AIG1: variants seen among roughly 807,000 people sequenced by gnomAD.
The protein encoded by AIG1 is androgen induced 1, also known as androgen-induced gene 1 protein.
AIG1 carries 23 observed loss-of-function variants against 31.4 expected under a neutral mutation model. The observed-to-expected ratio is 0.73, with a 90% CI of 0.53 to 1.04. The LOEUF (loss-of-function observed/expected upper bound fraction) is 1.04, where lower values mean the gene tolerates loss of function less well. Ranked by LOEUF, AIG1 falls within the 50% of genes least tolerant of loss-of-function variation. The pLI, the probability that AIG1 is intolerant of heterozygous loss-of-function variation, is 0.00. For synonymous variants in AIG1, 100 were observed against 110.5 expected (o/e 0.90, Z 0.60); for missense variants, 274 against 295.0 (o/e 0.93, Z 0.52).
intron 3 of AIG1, among the ~76,000 whole-genome samples, chr6:143,185,038 A>G (rs1297511694): frequency 6.6e-6 from 1 of 151,974 alleles, no homozygotes; most frequent in Non-Finnish European, 1.5e-5. Context: ...TCTACTAAAA[A>G]TACAAAAATT....
intron 1 of AIG1, among the ~76,000 whole-genome samples, chr6:143,113,583 A>G (rs906439003): frequency 1.3e-5 from 2 of 150,950 alleles, no homozygotes; most frequent in African/African-American, 4.9e-5. Flanking sequence ...AGCCTAGGCA[A>G]CAGAGAGAGA....
At chr6:143,244,062 C>A (rs78807090) in intron 3 of AIG1, among the ~76,000 whole-genome samples, 1 of 152,162 alleles carries the variant, frequency 6.6e-6, no homozygotes, top group Non-Finnish European at 1.5e-5. Flanking sequence ...ACACATGACA[C>A]CTGCCCTCAA....
At chr6:143,244,542 G>A (rs551220331) in intron 3 of AIG1, among the ~76,000 whole-genome samples, 1 of 152,310 alleles carries the variant, frequency 6.6e-6, no homozygotes, top group South Asian at 2.1e-4. Context: ...GGATCACATG[G>A]GTATGGGCTT....
intron 4 of AIG1, among the ~76,000 whole-genome samples, chr6:143,316,616 C>T (rs1775763713): frequency 6.6e-6 from 1 of 151,926 alleles, no homozygotes; most frequent in African/African-American, 2.4e-5. Context: ...AACAAACCAA[C>T]CCAAACCCGG....
At chr6:143,236,276 T>C (rs760552886) in intron 3 of AIG1, among the ~76,000 whole-genome samples, 4 of 152,214 alleles carry the variant, frequency 2.6e-5, no homozygotes, top group Non-Finnish European at 5.9e-5. Flanking sequence ...TCTGTCCGGC[T>C]CAGCCCAGCG....
chr6:143,320,492 G>A (rs1477828151), intron 4 of AIG1, among the ~76,000 whole-genome samples: 1 of 152,192 alleles, frequency 6.6e-6, no homozygotes, highest in Non-Finnish European at 1.5e-5. Context: ...AATAAAAGGT[G>A]TATAGACATA....
intron 3 of AIG1, among the ~76,000 whole-genome samples, chr6:143,242,313 A>G (rs1583602012): frequency 2.0e-5 from 3 of 152,222 alleles, no homozygotes; most frequent in Admixed American, 2.0e-4. Flanking sequence ...ACTATATTTC[A>G]TGACCAAGCT....
intron 1 of AIG1, among the ~76,000 whole-genome samples, chr6:143,120,043 C>T (rs1239486468): frequency 6.6e-6 from 1 of 152,154 alleles, no homozygotes; most frequent in Non-Finnish European, 1.5e-5. Context: ...AATTCTCCTG[C>T]CTCAGCCTCC....
At chr6:143,101,841 T>C (rs1486072962) in intron 1 of AIG1, among the ~76,000 whole-genome samples, 1 of 152,120 alleles carries the variant, frequency 6.6e-6, no homozygotes, top group African/African-American at 2.4e-5. Context: ...AAACTTCTAC[T>C]CTAAAAAACA....
chr6:143,131,794 C>T (rs1018657317), intron 1 of AIG1, among the ~76,000 whole-genome samples: 4 of 152,176 alleles, frequency 2.6e-5, no homozygotes, highest in African/African-American at 9.7e-5. Flanking sequence ...GTACCCTAAC[C>T]ATAAAACCTA....
chr6:143,192,667 T>C (rs1028965998), intron 3 of AIG1, among the ~76,000 whole-genome samples: 1 of 152,006 alleles, frequency 6.6e-6, no homozygotes, highest in Admixed American at 6.6e-5. Flanking sequence ...GCACATATTA[T>C]GGCTAGTGCT....
chr6:143,283,824 T>C (rs1459043276), intron 3 of AIG1, among the ~76,000 whole-genome samples: 3 of 152,224 alleles, frequency 2.0e-5, no homozygotes, highest in East Asian at 1.9e-4. Context: ...TTCCTCTCTT[T>C]GGTTCCAGTT....
intron 3 of AIG1, among the ~76,000 whole-genome samples, chr6:143,180,803 CT>C (rs763879634): frequency 6.6e-6 from 1 of 152,188 alleles, no homozygotes; most frequent in Non-Finnish European, 1.5e-5. Context: ...AACCCCACCC[CT>C]CTTCACACTT....
chr6:143,086,850 G>A (rs1324164532), intron 1 of AIG1, among the ~76,000 whole-genome samples: 6 of 152,230 alleles, frequency 3.9e-5, no homozygotes, highest in East Asian at 1.9e-4. Context: ...ATGGGCAACT[G>A]TTGAAGAGAG....
At chr6:143,149,548 A>G (rs1407626670) in intron 2 of AIG1, among the ~76,000 whole-genome samples, 3 of 151,350 alleles carry the variant, frequency 2.0e-5, no homozygotes, top group Admixed American at 6.6e-5. Flanking sequence ...AAAAAAAAAA[A>G]AAAAAAAAAG....
At chr6:143,184,606 G>A (rs752429921) in intron 3 of AIG1, among the ~76,000 whole-genome samples, 2 of 152,128 alleles carry the variant, frequency 1.3e-5, no homozygotes, top group Admixed American at 6.5e-5. Context: ...AATAGGTCCC[G>A]GATCGGCCCC....
intron 1 of AIG1, among the ~76,000 whole-genome samples, chr6:143,127,158 T>C (rs1192469349): frequency 6.6e-6 from 1 of 152,192 alleles, no homozygotes; most frequent in Non-Finnish European, 1.5e-5. Context: ...CCAGGTCGAT[T>C]TTTCATTTCT....
At chr6:143,164,501 G>A (rs1449815743) in intron 2 of AIG1, among the ~76,000 whole-genome samples, 1 of 152,076 alleles carries the variant, frequency 6.6e-6, no homozygotes, top group East Asian at 1.9e-4. Context: ...ACCCTCCATG[G>A]ACCCAGCTTC....
At chr6:143,236,199 T>A (rs919932890) in intron 3 of AIG1, among the ~76,000 whole-genome samples, 1 of 152,246 alleles carries the variant, frequency 6.6e-6, no homozygotes, top group Non-Finnish European at 1.5e-5. Context: ...CCAGTTCTCA[T>A]GAGTTGAGCG....
Sources: gnomAD v4.1 joint callset for allele counts (sites outside exome capture counted in the v4.1 genomes callset) on GRCh38, gnomAD v4.1.1 for gene constraint, MANE v1.5 for transcripts, NCBI Gene and HGNC (gene_info 2026-07-23, HGNC 2026-07-21) for gene names.